DEAF1: variants seen among roughly 807,000 people sequenced by gnomAD.
The protein encoded by DEAF1 is deformed epidermal autoregulatory factor 1 homolog.
DEAF1 carries 53 observed loss-of-function variants against 58.9 expected under a neutral mutation model. That is an observed-to-expected ratio of 0.90 (90% CI 0.72 to 1.13). The LOEUF (loss-of-function observed/expected upper bound fraction) is 1.13, where lower values mean the gene tolerates loss of function less well. DEAF1 is among the 50% of genes most tolerant of loss of function. The pLI, the probability that DEAF1 is intolerant of heterozygous loss-of-function variation, is 0.00. For missense variants in DEAF1, 685 were observed against 791.4 expected (o/e 0.87, Z 1.61); for synonymous variants, 385 against 340.4 (o/e 1.13, Z -1.44).
chr11:702,925 C>CG (rs745842101), intron 1 of DEAF1: 2 of 1,588,768 alleles, frequency 1.3e-6, no homozygotes, highest in Non-Finnish European at 1.7e-6. Context: ...ACCTTCCCTC[C>CG]CCTTTGCTCT....
upstream of DEAF1, chr11:699,289 C>T: frequency 4.2e-6 from 1 of 240,712 alleles, no homozygotes; most frequent in South Asian, 6.5e-5. Context: ...GCAATCACAG[C>T]TCACTGCAGC....
chr11:651,840 G>C lies in DEAF1; in HGVS notation c.1593+2122C>G, dbSNP rs550207831. ...GGCGGAGCTTGCGGTGAGCTGAGAT[G>C]GCGCCACTACACTCCAGCCTGGGCG... On this transcript the variant is annotated intron_variant, in intron 11 of 11. Coordinates refer to ENST00000382409, the MANE Select transcript of DEAF1 (RefSeq NM_021008.4). 9.7e-4 allele frequency among the ~76,000 whole-genome samples: 147 copies of C among 152,308 alleles called. 1 individual carries two copies. The highest frequency in any genetic ancestry group is 3.3e-3 in the African/African-American group (139 of 41,560).
chr11:705,890 C>T (rs1427845973), intron 1 of DEAF1, among the ~76,000 whole-genome samples: 2 of 152,236 alleles, frequency 1.3e-5, no homozygotes, highest in Non-Finnish European at 2.9e-5. Context: ...AGCTCGAGGC[C>T]TCGCCCTGCT....
At chr11:663,138 G>C (rs1859386944) in intron 10 of DEAF1, among the ~76,000 whole-genome samples, 1 of 152,150 alleles carries the variant, frequency 6.6e-6, no homozygotes, top group Admixed American at 6.6e-5. Flanking sequence ...AAAACAAGAT[G>C]CTGTCTCTAT....
intron 10 of DEAF1, among the ~76,000 whole-genome samples, chr11:658,743 C>T (rs985104168): frequency 5.9e-5 from 9 of 152,396 alleles, no homozygotes; most frequent in East Asian, 1.9e-4. Flanking sequence ...GCCCAAGCAG[C>T]GGGTCCAGCC....
chr11:648,424 TG>T (rs1214718576), intron 11 of DEAF1, among the ~76,000 whole-genome samples: 1 of 152,170 alleles, frequency 6.6e-6, no homozygotes, highest in Non-Finnish European at 1.5e-5. Context: ...CTCGATCTCC[TG>T]ACCTCGTGAT....
At chr11:698,588 C>G (rs1246860251), upstream of DEAF1, among the ~76,000 whole-genome samples, 1 of 152,180 alleles carries the variant, frequency 6.6e-6, no homozygotes, top group Non-Finnish European at 1.5e-5. Context: ...CCCTGAGGGC[C>G]AGCTGGGTCT....
chr11:654,225 G>A (rs1229589381), intron 10 of DEAF1, among the ~76,000 whole-genome samples, 174 bp from the exon 11 acceptor site: 5 of 139,482 alleles, frequency 3.6e-5, no homozygotes, highest in Admixed American at 1.6e-4. Flanking sequence ...CTGGAGTGCC[G>A]TGGTGCGATC....
At chr11:678,336 A>G (rs899352551) in intron 9 of DEAF1, 4 of 309,996 alleles carry the variant, frequency 1.3e-5, no homozygotes, top group Non-Finnish European at 2.5e-5. Context: ...CCGAATGTCT[A>G]TGCCAGCTCT....
At chr11:668,562 C>T (rs1859660744) in intron 10 of DEAF1, among the ~76,000 whole-genome samples, 1 of 152,138 alleles carries the variant, frequency 6.6e-6, no homozygotes, top group African/African-American at 2.4e-5. Context: ...GTGGTTCATG[C>T]CTGTAATCCC....
At chr11:691,203 C>A (rs903946841) in intron 2 of DEAF1, among the ~76,000 whole-genome samples, 4 of 152,252 alleles carry the variant, frequency 2.6e-5, no homozygotes, top group Admixed American at 6.5e-5. Flanking sequence ...CGGGCAGAGG[C>A]TGAACTGTGG....
intron 11 of DEAF1, among the ~76,000 whole-genome samples, chr11:649,193 G>A (rs1171974851): frequency 6.6e-6 from 1 of 152,114 alleles, no homozygotes; most frequent in African/African-American, 2.4e-5. Flanking sequence ...AGAGGCTGCA[G>A]TGAGCCGAGA....
chr11:704,703 A>T, intron 1 of DEAF1: 1 of 1,244,688 alleles, frequency 8.0e-7, no homozygotes, highest in South Asian at 1.3e-5. Flanking sequence ...CACCTGTTCC[A>T]CAGGGAACGC....
At chr11:677,000 C>T (rs1413459483) in intron 9 of DEAF1, among the ~76,000 whole-genome samples, 1 of 146,370 alleles carries the variant, frequency 6.8e-6, no homozygotes, top group East Asian at 2.0e-4. Flanking sequence ...GATCCAGGAG[C>T]CACATGCACA....
rs1456302749 is a variant in DEAF1 at position 688,299 on chromosome 11, G to A, written c.517+32C>T. 5 of 1,607,982 alleles carry A rather than the reference G, an allele frequency of 3.1e-6. No individual in the cohort carries two copies. Among genetic ancestry groups the A allele is most frequent in the Non-Finnish European group, 4.2e-6 (5 of 1,177,160 alleles). On this transcript the variant is annotated intron_variant, in intron 3 of 11. Coordinates refer to ENST00000382409, the MANE Select transcript of DEAF1 (RefSeq NM_021008.4). The surrounding 1 kb of genome is among the most constrained non-coding windows in gnomAD (Gnocchi z 4.3). ...TTCTAGCTATTCTGAAACGTGTTTT[G>A]CCCGAGGCCTGGGGTGCAGGCACCG... is the stretch of plus-strand genomic sequence containing the variant.
intron 1 of DEAF1, among the ~76,000 whole-genome samples, chr11:705,783 T>G (rs1861686732): frequency 6.6e-6 from 1 of 152,042 alleles, no homozygotes; most frequent in South Asian, 2.1e-4. Flanking sequence ...GCTGGAGCCC[T>G]CCCCAGCAAT....
At chr11:676,353 T>TC (rs1165319826) in intron 9 of DEAF1, among the ~76,000 whole-genome samples, 1 of 77,906 alleles carries the variant, frequency 1.3e-5, no homozygotes, top group Admixed American at 1.5e-4. Context: ...GCACCTGACA[T>TC]CCCCGAGCAC....
At chr11:678,049 C>T (rs997859307) in intron 9 of DEAF1, among the ~76,000 whole-genome samples, 10 of 151,210 alleles carry the variant, frequency 6.6e-5, no homozygotes, top group Non-Finnish European at 4.4e-5. Flanking sequence ...CTTTGGGAGG[C>T]TGAGGCGGAT....
rs541693271 is a variant in DEAF1 at position 654,207 on chromosome 11, C to T, written c.1504-156G>A. 7.8e-4 allele frequency among the ~76,000 whole-genome samples: 104 copies of T among 133,002 alleles called. 1 individual carries two copies. Among genetic ancestry groups the T allele is most frequent in the African/African-American group, 2.7e-3 (91 of 33,998 alleles). 87.3% of individuals were successfully genotyped at this position (133,002 alleles called of 152,430 possible). ...TTTTTGAGATGGAGTCTCACTCTGT[C>T]GCCCAGGCTGGAGTGCCGTGGTGCG... On this transcript the variant is annotated intron_variant, in intron 10 of 11. Coordinates refer to ENST00000382409, the MANE Select transcript of DEAF1 (RefSeq NM_021008.4).
Sources: gnomAD v4.1 joint callset for allele counts (sites outside exome capture counted in the v4.1 genomes callset) on GRCh38, gnomAD v4.1.1 for gene constraint, Gnocchi (gnomAD v3.1) non-coding constraint, MANE v1.5 for transcripts, NCBI Gene and HGNC (gene_info 2026-07-23, HGNC 2026-07-21) for gene names.